LTF: variants seen among roughly 807,000 people sequenced by gnomAD.
The protein encoded by LTF is lactotransferrin, also known as epididymis luminal protein 110.
A neutral mutation model predicts 87.2 loss-of-function variants in LTF; 91 were observed. The observed-to-expected ratio is 1.04, with a 90% CI of 0.88 to 1.24. The LOEUF is 1.24. Ranked by LOEUF, LTF falls within the 50% of genes most tolerant of loss-of-function variation. The pLI is 0.00. For missense variants in LTF, 901 were observed against 904.3 expected, an observed-to-expected ratio of 1.00 and a Z score of 0.05; for synonymous variants, 378 against 356.1, an observed-to-expected ratio of 1.06 and a Z score of -0.69.
chr3:46,453,560 T>C (rs1361383547), intron 6 of LTF, among the ~76,000 whole-genome samples: 2 of 151,966 alleles, frequency 1.3e-5, no homozygotes, highest in African/African-American at 2.4e-5. Context: ...CTGATGGTCC[T>C]GAGTGAATGT....
At chr3:46,468,375 G>A (rs954580128), upstream of LTF, 5 of 455,110 alleles carry the variant, frequency 1.1e-5, no homozygotes, top group African/African-American at 8.0e-5. Context: ...ATGAGTTTAA[G>A]GAGCACAAAG....
At chr3:46,464,724 C>T (rs1353000479) in intron 1 of LTF, 101 bp downstream of exon 1, 6 of 1,349,840 alleles carry the variant, frequency 4.4e-6, no homozygotes, top group Middle Eastern at 2.2e-4. Context: ...GGCGCAGAGA[C>T]CCCGCGCCCA....
At chr3:46,462,192 CTG>C (rs1381256479) in intron 1 of LTF, among the ~76,000 whole-genome samples, 1 of 152,230 alleles carries the variant, frequency 6.6e-6, no homozygotes, top group Admixed American at 6.5e-5. Context: ...ACAAACAGCA[CTG>C]TGTGTCACGC....
intron 15 of LTF, among the ~76,000 whole-genome samples, chr3:46,438,638 C>T (rs566743246): frequency 6.6e-6 from 1 of 152,328 alleles, no homozygotes; most frequent in Non-Finnish European, 1.5e-5. Context: ...ACCCAAACCC[C>T]TCAGTCACGG....
At chr3:46,470,947 C>T (rs528563464) in intron 1 of LTF, among the ~76,000 whole-genome samples, 18 of 152,324 alleles carry the variant, frequency 1.2e-4, no homozygotes, top group African/African-American at 4.3e-4. Flanking sequence ...TATTTGCAGA[C>T]ATTCATGAGC....
intron 13 of LTF, chr3:46,442,049 G>A (rs536188914): frequency 6.6e-6 from 1 of 150,664 alleles, no homozygotes; most frequent in African/African-American, 2.4e-5. Flanking sequence ...ATAGTGATGT[G>A]TTTTTTTAAG....
intron 1 of LTF, among the ~76,000 whole-genome samples, chr3:46,476,246 G>C (rs967344897): frequency 3.3e-5 from 5 of 152,176 alleles, no homozygotes; most frequent in Non-Finnish European, 7.3e-5. Flanking sequence ...TCCGGGTCTT[G>C]TTCCTGATCT....
chr3:46,441,934 A>AGGGTGTGTGTGT (rs1456655226), intron 13 of LTF: 1 of 59,002 alleles, frequency 1.7e-5, no homozygotes, highest in Non-Finnish European at 3.4e-5. Context: ...AGAGAGAGAG[A>AGGGTGTGTGTGT]GTGTGTGTGT....
chr3:46,447,344 T>G lies in LTF; in HGVS notation c.1267A>C (p.Lys423Gln). 6.2e-7 allele frequency: 1 copy of G among 1,614,214 alleles called. No homozygotes were observed. The highest frequency in any genetic ancestry group is 1.1e-5 in the South Asian group (1 of 91,072). ...LDGGYVYTAG[K>Q]CGLVPVLAEN... is the part of the protein sequence containing the mutation. ...GCCAGGACAGGCACCAAACCACATT[T>G]GCCTGCAGTGTACACATATCCTCCA... The change falls in exon 10 of 17, where the codon AAA (lysine) becomes CAA (glutamine). Residue 423 changes from lysine (K) to glutamine (Q), a missense_variant. By Grantham distance (53) the Lys-to-Gln change is moderately conservative. Coordinates refer to ENST00000231751, the MANE Select transcript of LTF (RefSeq NM_002343.6).
chr3:46,467,095 A>C (rs1264696577), upstream of LTF, among the ~76,000 whole-genome samples: 1 of 152,210 alleles, frequency 6.6e-6, no homozygotes, highest in Non-Finnish European at 1.5e-5. Context: ...GCCCCAGGGC[A>C]GGGATGTGAG....
rs1559614947 is a variant in LTF, at chr3:46,482,706, A to AAG, written c.-320+2278_-320+2279dup. On this transcript the variant is annotated intron_variant, in intron 1 of 19. Coordinates refer to the LTF transcript ENST00000443496. ...AAGGAAGGAAGGAAGGAAGGAAGGA[A>AAG]AGAAAGAAAGAGAAAGAAAGGAAGG... 2.0e-3 allele frequency among the ~76,000 whole-genome samples: 241 copies of AAG among 117,702 alleles called. 11 individuals are homozygous for AAG. The highest frequency in any genetic ancestry group is 3.1e-3 in the Non-Finnish European group (180 of 57,312). The allele number at this position is 117,702 out of a possible 152,430, so 77.2% of individuals were successfully genotyped here.
At chr3:46,471,282 G>C (rs978252817) in intron 1 of LTF, among the ~76,000 whole-genome samples, 4 of 152,078 alleles carry the variant, frequency 2.6e-5, no homozygotes, top group African/African-American at 9.7e-5. Flanking sequence ...TTCTCTGTCT[G>C]TTTCTCTCTC....
In LTF at chr3:46,448,985, C is replaced by A. The variant is rs779678787; in HGVS notation, c.1090G>T (p.Val364Phe). 7.9e-5 allele frequency: 128 copies of A among 1,611,270 alleles called. 2 individuals are homozygous for A. In the South Asian group the frequency reaches 1.4e-3, roughly 17 times the overall value. The stretch of plus-strand genomic sequence containing the variant: ...TGCTCGCCCACCGCACACCACACGA[C>A]CCGCGCACGCCGGGCAGCCACTTCC... ...EEEVAARRAR[V>F]VWCAVGEQEL... The change falls in exon 9 of 17, where the codon GTC (valine) becomes TTC (phenylalanine). Residue 364 changes from valine to phenylalanine, a missense_variant. Coordinates refer to ENST00000231751, the MANE Select transcript of LTF (RefSeq NM_002343.6).
In LTF at chr3:46,435,932, G is replaced by A. The variant is rs1389387189; in HGVS notation, c.*263C>T. The A allele has an allele frequency of 6.0e-6, 3 of 498,674 alleles. No individual in the cohort carries two copies. Among genetic ancestry groups the A allele is most frequent in the East Asian group, 7.3e-5 (2 of 27,436 alleles). The allele number at this position is 498,674 out of a possible 1,614,324, so 30.9% of individuals were successfully genotyped here. On this transcript the variant is annotated 3_prime_UTR_variant, in exon 17 of 17. Transcript: ENST00000231751. ...GGACCTGAAAAACTTGGAAGGGAAG[G>A]TCCAACTGTACAGGTATTTTGTCAG...
intron 1 of LTF, among the ~76,000 whole-genome samples, chr3:46,482,369 C>CG (rs1472080219): frequency 1.3e-5 from 2 of 151,544 alleles, no homozygotes; most frequent in Admixed American, 6.6e-5. Context: ...ACCAGGGAGG[C>CG]TGAGGTGGGA....
intron 2 of LTF, among the ~76,000 whole-genome samples, chr3:46,458,345 TC>T (rs1308389527): frequency 6.6e-6 from 1 of 152,230 alleles, no homozygotes. Flanking sequence ...TTAATCTATC[TC>T]AACTTTATTT....
chr3:46,436,994 T>C (rs1164808228), intron 16 of LTF, among the ~76,000 whole-genome samples: 3 of 152,154 alleles, frequency 2.0e-5, no homozygotes, highest in Non-Finnish European at 2.9e-5. Flanking sequence ...AGGGGAAAAA[T>C]TGTCTCTCAT....
At chr3:46,472,525 TGTGAGA>T (rs1428256522) in intron 1 of LTF, among the ~76,000 whole-genome samples, 24 of 141,386 alleles carry the variant, frequency 1.7e-4, no homozygotes, top group Admixed American at 8.4e-4. Context: ...TGTGTGTGTG[TGTGAGA>T]GAGAGAGAGA....
At position 46,455,935 on chromosome 3, in the gene LTF, G is replaced by A. The variant is rs772673065; in HGVS notation, c.360C>T (p.Gly120=). ...GCAGTTCGTTCAGCTGAAAGCTGCC[G>A]CCCTTCTTCACCACAGCCACGGCAT... is the stretch of plus-strand genomic sequence containing the variant. ...HYYAVAVVKK[G]GSFQLNELQG... is the part of the protein sequence containing the mutation. Residue 120 remains glycine, a synonymous_variant, in exon 4 of 17, where the codon GGC becomes GGT. Transcript: ENST00000231751. 4.0e-5 allele frequency: 64 copies of A among 1,610,192 alleles called. No homozygotes were observed. Among genetic ancestry groups the A allele is most frequent in the East Asian group, 2.0e-4 (9 of 44,870 alleles).
Sources: allele counts gnomAD v4.1 joint callset (sites outside exome capture counted in the v4.1 genomes callset), GRCh38; gene constraint gnomAD v4.1.1; transcripts MANE v1.5; gene names NCBI Gene and HGNC (gene_info 2026-07-23, HGNC 2026-07-21).